Variants in AUH observed in about 807,000 individuals in gnomAD.
AUH encodes AU RNA binding methylglutaconyl-CoA hydratase.
A neutral mutation model predicts 42.3 loss-of-function variants in AUH; 29 were observed. The observed-to-expected ratio is 0.69, with a 90% CI of 0.51 to 0.93. The LOEUF (loss-of-function observed/expected upper bound fraction) is 0.93, where lower values mean the gene tolerates loss of function less well. AUH is among the 40% of genes least tolerant of loss of function. AUH has a pLI of 0.00. For missense variants in AUH, 452 were observed against 438.1 expected, an observed-to-expected ratio of 1.03 and a Z score of -0.28; for synonymous variants, 174 against 166.4, an observed-to-expected ratio of 1.05 and a Z score of -0.35.
At chr9:91,233,604 T>A (rs1007922975) in intron 6 of AUH, among the ~76,000 whole-genome samples, 1 of 152,196 alleles carries the variant, frequency 6.6e-6, no homozygotes, top group African/African-American at 2.4e-5. Context: ...GGAATGCGTA[T>A]GCCATAAACA....
At chr9:91,340,449 A>T (rs1428411175) in intron 3 of AUH, among the ~76,000 whole-genome samples, 1 of 152,218 alleles carries the variant, frequency 6.6e-6, no homozygotes, top group Non-Finnish European at 1.5e-5. Context: ...ATGTAAAAAT[A>T]TTGACTACCT....
At chr9:91,313,711 CAAAAAAAAAAAA>C in intron 4 of AUH, among the ~76,000 whole-genome samples, 1 of 68,906 alleles carries the variant, frequency 1.5e-5, no homozygotes, top group South Asian at 5.5e-4. Context: ...GACTCCGTCT[CAAAAAAAAAAAA>C]AAAAAAAAGA....
intron 4 of AUH, among the ~76,000 whole-genome samples, chr9:91,320,793 T>C (rs1402918937): frequency 1.3e-5 from 2 of 152,230 alleles, no homozygotes; most frequent in East Asian, 1.9e-4. Context: ...TCTTTAAACA[T>C]TTCTTGTGTT....
intron 6 of AUH, among the ~76,000 whole-genome samples, chr9:91,245,176 A>C (rs972515972): frequency 1.3e-5 from 2 of 152,134 alleles, no homozygotes; most frequent in Non-Finnish European, 2.9e-5. Flanking sequence ...AGCACACACA[A>C]GAGATTTCAA....
intron 4 of AUH, among the ~76,000 whole-genome samples, chr9:91,309,180 G>T (rs1416507531): frequency 1.3e-5 from 2 of 151,962 alleles, no homozygotes; most frequent in Non-Finnish European, 2.9e-5. Flanking sequence ...GGGAGGCAGA[G>T]GTGGGTGGAT....
intron 6 of AUH, among the ~76,000 whole-genome samples, chr9:91,261,748 G>T (rs1040525863): frequency 3.3e-5 from 5 of 152,208 alleles, no homozygotes; most frequent in Admixed American, 2.0e-4. Flanking sequence ...TCCCTTAGTA[G>T]ATTATTTTCT....
chr9:91,274,886 G>A (rs867330157), intron 6 of AUH, among the ~76,000 whole-genome samples: 55 of 152,268 alleles, frequency 3.6e-4, no homozygotes, highest in African/African-American at 1.3e-3. Context: ...AACTTCCTTA[G>A]TAGTTCAAAA....
intron 3 of AUH, among the ~76,000 whole-genome samples, chr9:91,348,080 A>C (rs1217126492): frequency 1.3e-5 from 2 of 151,550 alleles, no homozygotes; most frequent in African/African-American, 2.4e-5. Flanking sequence ...ATAAAAAAAA[A>C]CAAAAAAAAA....
intron 3 of AUH, among the ~76,000 whole-genome samples, chr9:91,349,061 A>G (rs978125973): frequency 6.6e-6 from 1 of 152,240 alleles, no homozygotes; most frequent in Non-Finnish European, 1.5e-5. Context: ...ACAGTTAAAT[A>G]CATAAATATG....
chr9:91,267,394 G>A (rs1830030999), intron 6 of AUH, among the ~76,000 whole-genome samples: 1 of 152,190 alleles, frequency 6.6e-6, no homozygotes, highest in Non-Finnish European at 1.5e-5. Flanking sequence ...TTACAATGTA[G>A]GATGAGGCCC....
chr9:91,306,881 C>T (rs1428255512), intron 4 of AUH, among the ~76,000 whole-genome samples: 1 of 152,112 alleles, frequency 6.6e-6, no homozygotes, highest in African/African-American at 2.4e-5. Flanking sequence ...TGTGTAACAG[C>T]CCAAAACTGA....
At chr9:91,361,531 C>T (rs1832852470) in intron 1 of AUH, 97 bp downstream of exon 1, 1 of 1,493,490 alleles carries the variant, frequency 6.7e-7, no homozygotes, top group South Asian at 1.3e-5. Context: ...TGCCTGACCT[C>T]GACCCCGCGT....
At position 91,325,409 on chromosome 9, in the gene AUH, A is replaced by C. The variant is rs1352849159; in HGVS notation, c.419-5T>G. 2 of 1,612,886 alleles carry C rather than the reference A, an allele frequency of 1.2e-6. No homozygotes were observed. Among genetic ancestry groups the C allele is most frequent in the Non-Finnish European group, 1.7e-6 (2 of 1,179,104 alleles). On this transcript the variant is annotated splice_polypyrimidine_tract_variant and splice_region_variant and intron_variant, in intron 3 of 9. Coordinates refer to ENST00000375731, the MANE Select transcript of AUH (RefSeq NM_001698.3). ...CTCTTTCCTTAAGGTCAGCACCTGC[A>C]AAGTATTTTATTTACAAATATAATC...
intron 4 of AUH, among the ~76,000 whole-genome samples, chr9:91,324,358 C>T (rs528272346): frequency 6.6e-6 from 1 of 151,910 alleles, no homozygotes; most frequent in East Asian, 1.9e-4. Flanking sequence ...TAAAAATCAG[C>T]CAGGCCTGAT....
At chr9:91,294,702 A>G (rs752755106) in intron 6 of AUH, 2 of 456,078 alleles carry the variant, frequency 4.4e-6, no homozygotes, top group South Asian at 1.5e-5. Context: ...TCATGGGAAG[A>G]GGCCAGAATA....
At chr9:91,342,145 C>T (rs560259493) in intron 3 of AUH, among the ~76,000 whole-genome samples, 1 of 152,324 alleles carries the variant, frequency 6.6e-6, no homozygotes, top group Non-Finnish European at 1.5e-5. Flanking sequence ...AATGGGTTGG[C>T]AAGGCTGCAT....
intron 3 of AUH, among the ~76,000 whole-genome samples, chr9:91,345,036 A>G (rs1209525209): frequency 2.6e-5 from 4 of 151,990 alleles, no homozygotes; most frequent in African/African-American, 9.7e-5. Flanking sequence ...TCAGCAAACT[A>G]CAAATAAAAA....
chr9:91,268,260 GTCT>G (rs1245285766), intron 6 of AUH, among the ~76,000 whole-genome samples: 5 of 152,106 alleles, frequency 3.3e-5, no homozygotes, highest in Non-Finnish European at 7.4e-5. Context: ...TATTCCATAG[GTCT>G]TCTCATCCTA....
At chr9:91,284,814 G>A (rs1826267667) in intron 6 of AUH, among the ~76,000 whole-genome samples, 3 of 152,120 alleles carry the variant, frequency 2.0e-5, no homozygotes, top group Admixed American at 2.0e-4. Flanking sequence ...GAAACAACAG[G>A]TGCTGGAGAG....
Sources: gnomAD v4.1 joint callset for allele counts (sites outside exome capture counted in the v4.1 genomes callset) on GRCh38, gnomAD v4.1.1 for gene constraint, MANE v1.5 for transcripts, NCBI Gene and HGNC (gene_info 2026-07-23, HGNC 2026-07-21) for gene names.